Variants in SATB2 observed in about 807,000 individuals in gnomAD.
SATB2 encodes the protein SATB homeobox 2, also known as DNA-binding protein SATB2.
A neutral mutation model predicts 73.4 loss-of-function variants in SATB2; 1 was observed. That is an observed-to-expected ratio of 0.01 (90% CI 0.00 to 0.06). The LOEUF is 0.06. Ranked by LOEUF, SATB2 falls within the 10% of genes least tolerant of loss-of-function variation. The pLI is 1.00. For synonymous variants in SATB2, 397 were observed against 367.0 expected (o/e 1.08, Z -0.93); for missense variants, 459 against 945.8 (o/e 0.49, Z 6.75).
chr2:199,326,312 G>A (rs1688027585), intron 8 of SATB2, among the ~76,000 whole-genome samples: 3 of 152,002 alleles, frequency 2.0e-5, no homozygotes. Context: ...TCAAAAACAT[G>A]TTTAAATATT....
chr2:199,409,317 T>C (rs555078831), intron 3 of SATB2, among the ~76,000 whole-genome samples: 1 of 152,140 alleles, frequency 6.6e-6, no homozygotes, highest in Admixed American at 6.5e-5. Context: ...ATTACAGGCA[T>C]GTGCCACCAC....
At chr2:199,469,416 G>A (rs1447185166), upstream of SATB2, among the ~76,000 whole-genome samples, 1 of 152,018 alleles carries the variant, frequency 6.6e-6, no homozygotes, top group Admixed American at 6.6e-5. Context: ...CCCCCCGGCG[G>A]TTCCTAAATC....
Position 199,464,045 on chromosome 2 carries a change from G to C in SATB2, c.-141+791C>G, listed in dbSNP as rs535089713. ...ACACCTACTGGAGCCAGGGACGAGGGGGGCAGTGTATCCGGCGGCCCAAAC... is the reference window on the plus strand; with the variant it reads ...ACACCTACTGGAGCCAGGGACGAGGCGGGCAGTGTATCCGGCGGCCCAAAC... On this transcript the variant is annotated intron_variant, in intron 1 of 11. Coordinates refer to the SATB2 transcript ENST00000260926. This position sits in a 1 kb window ranked among gnomAD's most constrained non-coding sequence, Gnocchi z 6.6. Among the ~76,000 whole-genome samples the C allele has an allele frequency of 3.9e-5, 6 of 152,316 alleles. No homozygotes were observed. The South Asian group carries it at 6.2e-4, about 16-fold the overall frequency.
At chr2:199,304,075 G>A (rs1326874789) in intron 10 of SATB2, among the ~76,000 whole-genome samples, 2 of 152,166 alleles carry the variant, frequency 1.3e-5, no homozygotes, top group Admixed American at 6.5e-5. Context: ...CATGAGGGAA[G>A]TGTGGTCAGA....
rs554976542 is a variant in SATB2, at chr2:199,292,620, T to C, written c.1740+16140A>G. 7.2e-5 allele frequency among the ~76,000 whole-genome samples: 11 copies of C among 152,346 alleles called. 1 individual carries two copies. Among genetic ancestry groups the C allele is most frequent in the African/African-American group, 2.4e-4 (10 of 41,584 alleles). ...AAGGGATAGAGAACATGTCTTGGAA[T>C]CTGACTTCCTTTCTAAGCCATATTT... On this transcript the variant is annotated intron_variant, in intron 10 of 10. Coordinates refer to ENST00000417098, the MANE Select transcript of SATB2 (RefSeq NM_001172509.2).
At chr2:199,350,589 G>A (rs1302752080) in intron 6 of SATB2, among the ~76,000 whole-genome samples, 1 of 152,178 alleles carries the variant, frequency 6.6e-6, no homozygotes. Context: ...ACATTAAAAT[G>A]TGGGTAGATA....
chr2:199,324,076 G>A, intron 8 of SATB2, 118 bp from the exon 9 acceptor site: 1 of 991,814 alleles, frequency 1.0e-6, no homozygotes, highest in Non-Finnish European at 1.6e-6. Context: ...GCTACAGAGG[G>A]ACACTTCCTG....
At chr2:199,388,723 T>C (rs920076290) in intron 3 of SATB2, among the ~76,000 whole-genome samples, 3 of 152,094 alleles carry the variant, frequency 2.0e-5, no homozygotes. Flanking sequence ...GGGGTTTGTA[T>C]ATCTCATAAC....
chr2:199,458,377 G>C, upstream of SATB2: 1 of 308,678 alleles, frequency 3.2e-6, no homozygotes, highest in South Asian at 2.4e-5. Flanking sequence ...AAGAGGAAGG[G>C]GAGAGTCGGC....
chr2:199,339,062 T>G (rs1688426899), intron 7 of SATB2, among the ~76,000 whole-genome samples: 1 of 152,150 alleles, frequency 6.6e-6, no homozygotes, highest in Non-Finnish European at 1.5e-5. Flanking sequence ...CAGGTGGATT[T>G]AGAAGTGAGA....
intron 10 of SATB2, among the ~76,000 whole-genome samples, chr2:199,285,650 T>A (rs981590846): frequency 3.3e-5 from 5 of 151,660 alleles, no homozygotes; most frequent in Admixed American, 2.6e-4. Context: ...ACATTTTGAC[T>A]CCAGGCGGAT....
intron 3 of SATB2, among the ~76,000 whole-genome samples, chr2:199,417,504 T>C (rs1386643763): frequency 6.6e-6 from 1 of 152,188 alleles, no homozygotes; most frequent in East Asian, 1.9e-4. Flanking sequence ...TCAACACGAC[T>C]GTGGGAAGAG....
In SATB2 at chr2:199,270,665, G is replaced by A. The variant is rs904652066; in HGVS notation, c.*1546C>T. 4 of 152,330 alleles carry A rather than the reference G, an allele frequency of 2.6e-5. No homozygotes were observed. Among genetic ancestry groups the A allele is most frequent in the African/African-American group, 9.6e-5 (4 of 41,454 alleles). 9.4% of individuals were successfully genotyped at this position (152,330 alleles called of 1,614,324 possible). A position where few individuals can be genotyped will look rare whatever the true frequency, so the allele number is the denominator to read the frequency against. ...ATGCTTCTGGTGTTTCTCATAGGAA[G>A]CCGAAAGAGATCTGGAGTACTATAG... On this transcript the variant is annotated 3_prime_UTR_variant, in exon 11 of 11. Coordinates refer to ENST00000417098, the MANE Select transcript of SATB2 (RefSeq NM_001172509.2).
chr2:199,330,765 A>C (rs1688166525), intron 7 of SATB2, among the ~76,000 whole-genome samples: 1 of 152,220 alleles, frequency 6.6e-6, no homozygotes, highest in African/African-American at 2.4e-5. Flanking sequence ...TATGCAGAGA[A>C]GCAAGAGCAA....
chr2:199,349,237 T>C (rs1688744347), intron 6 of SATB2, 64 bp from the exon 7 acceptor site: 2 of 1,227,424 alleles, frequency 1.6e-6, no homozygotes, highest in Admixed American at 2.0e-5. Flanking sequence ...TGCTAATATA[T>C]GTAGAACTGA....
chr2:199,454,173 G>A (rs1310245548), intron 2 of SATB2, among the ~76,000 whole-genome samples: 1 of 152,022 alleles, frequency 6.6e-6, no homozygotes, highest in Non-Finnish European at 1.5e-5. Context: ...ATGATATAGA[G>A]GAGGGGAAAA....
At position 199,308,789 on chromosome 2, in the gene SATB2, C is replaced by T. The variant is rs188013011; in HGVS notation, c.1711G>A (p.Val571Met). Reference sequence around the variant, plus strand: ...ACCGGCTCAGGGGGAAGCTGGACCACGTGTTGCATGCGTTCGCTGTGGTGA... The same window carrying T: ...ACCGGCTCAGGGGGAAGCTGGACCATGTGTTGCATGCGTTCGCTGTGGTGA... The part of the protein sequence containing the change: ...RHHHSERMQH[V>M]VQLPPEPVQV... The change falls in exon 10 of 11, where the codon GTG becomes ATG. Residue 571 changes from valine (V) to methionine (M), a missense_variant. Around this residue, in one of 13 missense-constraint regions of SATB2, gnomAD observed 74 missense variants for 136.1 expected, o/e 0.54. Coordinates refer to ENST00000417098, the MANE Select transcript of SATB2 (RefSeq NM_001172509.2). This position sits in a 1 kb window ranked among gnomAD's most constrained non-coding sequence, Gnocchi z 4.6. The T allele has an allele frequency of 3.7e-6, 6 of 1,614,128 alleles. No individual in the cohort carries two copies. The highest frequency in any genetic ancestry group is 1.6e-4 in the Middle Eastern group (1 of 6,062).
intron 3 of SATB2, among the ~76,000 whole-genome samples, chr2:199,414,974 C>T (rs1238690827): frequency 6.6e-6 from 1 of 152,134 alleles, no homozygotes; most frequent in African/African-American, 2.4e-5. Context: ...GGCCACCCCA[C>T]ATGCAGCACT....
intron 3 of SATB2, among the ~76,000 whole-genome samples, chr2:199,392,714 T>A (rs1690182943): frequency 6.6e-6 from 1 of 152,116 alleles, no homozygotes. Context: ...GGGCCCCTAT[T>A]TTCTCTTCTA....
Sources: gnomAD v4.1 joint callset for allele counts (sites outside exome capture counted in the v4.1 genomes callset) on GRCh38, gnomAD v4.1.1 for gene constraint, gnomAD v4.1.1 regional missense constraint, Gnocchi (gnomAD v3.1) non-coding constraint, MANE v1.5 for transcripts, NCBI Gene and HGNC (gene_info 2026-07-23, HGNC 2026-07-21) for gene names.